ARHGEF9: variants seen among roughly 807,000 people sequenced by gnomAD.
ARHGEF9 encodes the protein rho guanine nucleotide exchange factor 9.
In ARHGEF9, 2 loss-of-function variants were observed where a neutral mutation model predicts 41.3. That is an observed-to-expected ratio of 0.05 (90% confidence interval 0.02 to 0.15). The LOEUF (loss-of-function observed/expected upper bound fraction) is 0.15, where lower values mean the gene tolerates loss of function less well. Ranked by LOEUF, ARHGEF9 falls within the 10% of genes least tolerant of loss-of-function variation. ARHGEF9 has a pLI of 1.00. For missense variants in ARHGEF9, 225 were observed against 424.7 expected (o/e 0.53, Z 4.13); for synonymous variants, 160 against 154.4 (o/e 1.04, Z -0.27).
chrX:63,766,895 C>A, intron 1 of ARHGEF9: 1 of 387,036 alleles, frequency 2.6e-6, no homozygotes, highest in Admixed American at 3.4e-5. Flanking sequence ...CAATCATGGG[C>A]CAGGAAAACC....
chrX:63,688,223 A>G (rs1406649938), intron 4 of ARHGEF9, among the ~76,000 whole-genome samples: 2 of 110,843 alleles, frequency 1.8e-5, no homozygotes, highest in Non-Finnish European at 3.8e-5. Context: ...CAAAGTACTG[A>G]ATGAAAAAAA....
intron 2 of ARHGEF9, among the ~76,000 whole-genome samples, chrX:63,718,091 T>C (rs1175598946): frequency 9.0e-6 from 1 of 111,377 alleles, no homozygotes; most frequent in African/African-American, 3.3e-5. Flanking sequence ...CTTCTGAGTA[T>C]TGTTTCTCTA....
chrX:63,669,053 T>G (rs1384285931), intron 6 of ARHGEF9, among the ~76,000 whole-genome samples: 2 of 112,533 alleles, frequency 1.8e-5, no homozygotes, highest in African/African-American at 6.5e-5. Flanking sequence ...ACTCTCGCCA[T>G]CTGTTTCCTC....
intron 1 of ARHGEF9, among the ~76,000 whole-genome samples, chrX:63,742,186 T>G (rs1213956892): frequency 2.2e-4 from 25 of 111,762 alleles, no homozygotes; most frequent in African/African-American, 7.8e-4. Flanking sequence ...AAATGTAAGG[T>G]AAATTAGCCA....
chrX:63,781,279 C>G, intron 1 of ARHGEF9, among the ~76,000 whole-genome samples: 1 of 111,731 alleles, frequency 9.0e-6, no homozygotes, highest in East Asian at 2.8e-4. Flanking sequence ...ATGATCCATT[C>G]TAGATATTAC....
intron 2 of ARHGEF9, among the ~76,000 whole-genome samples, chrX:63,718,752 G>A (rs1396896377): frequency 8.9e-6 from 1 of 112,256 alleles, no homozygotes; most frequent in Non-Finnish European, 1.9e-5. Context: ...AAATAACAGA[G>A]TAGTTCAAGC....
chrX:63,647,679 G>C (rs1390197641), intron 8 of ARHGEF9, among the ~76,000 whole-genome samples: 1 of 111,280 alleles, frequency 9.0e-6, no homozygotes, highest in Admixed American at 9.6e-5. Context: ...CAGGGATATT[G>C]GTCTAAAATT....
At chrX:63,642,150 C>A (rs1195126284) in intron 9 of ARHGEF9, 1 of 111,337 alleles carries the variant, frequency 9.0e-6, no homozygotes, top group Non-Finnish European at 1.9e-5. Flanking sequence ...CTGAAGAATA[C>A]AGTGGGGGAA....
At chrX:63,755,337 CGA>C (rs1556446066) in intron 1 of ARHGEF9, 2 of 659,223 alleles carry the variant, frequency 3.0e-6, no homozygotes, top group African/African-American at 2.3e-5. Flanking sequence ...CCCAGACCGG[CGA>C]GAGTCACCAG....
intron 4 of ARHGEF9, among the ~76,000 whole-genome samples, chrX:63,693,834 A>G (rs2051545146): frequency 9.1e-6 from 1 of 110,154 alleles, no homozygotes; most frequent in South Asian, 3.9e-4. Context: ...TTAAAATTAC[A>G]ATGAGATACC....
chrX:63,703,923 C>A (rs532541721), intron 3 of ARHGEF9, among the ~76,000 whole-genome samples: 14 of 110,484 alleles, frequency 1.3e-4, no homozygotes, highest in Middle Eastern at 4.6e-3. Context: ...AAAACCAGTG[C>A]AAAGGCTCTA....
intron 8 of ARHGEF9, among the ~76,000 whole-genome samples, chrX:63,648,547 G>A (rs782366230): frequency 9.0e-6 from 1 of 111,286 alleles, no homozygotes; most frequent in South Asian, 3.8e-4. Flanking sequence ...ATCAACTAAC[G>A]AGCAAAATAA....
intron 2 of ARHGEF9, among the ~76,000 whole-genome samples, chrX:63,711,089 A>T (rs782276104): frequency 1.8e-5 from 2 of 112,140 alleles, no homozygotes; most frequent in African/African-American, 3.2e-5. Flanking sequence ...AAGAATACAT[A>T]GGAATAAATT....
chrX:63,738,796 G>A (rs781993735), intron 1 of ARHGEF9, among the ~76,000 whole-genome samples: 5 of 111,425 alleles, frequency 4.5e-5, no homozygotes, highest in Non-Finnish European at 9.4e-5. Flanking sequence ...TGCCCCTCAA[G>A]GCCTGAGCTC....
At chrX:63,652,564 G>A (rs782702079) in intron 8 of ARHGEF9, among the ~76,000 whole-genome samples, 4 of 111,094 alleles carry the variant, frequency 3.6e-5, no homozygotes, top group South Asian at 3.8e-4. Flanking sequence ...CCAATATCCC[G>A]TGCATACCAA....
intron 7 of ARHGEF9, 149 bp downstream of exon 7, chrX:63,665,736 GT>G: frequency 1.3e-6 from 1 of 742,021 alleles, no homozygotes; most frequent in Non-Finnish European, 2.0e-6. Context: ...CCACATTAGT[GT>G]TCCTGATACA....
chrX:63,759,788 T>C (rs1425492331), intron 1 of ARHGEF9, among the ~76,000 whole-genome samples: 1 of 112,220 alleles, frequency 8.9e-6, no homozygotes, highest in Non-Finnish European at 1.9e-5. Flanking sequence ...GTAGGTACTA[T>C]TATTGTCCTT....
chrX:63,759,867 GAT>G (rs1294484091), intron 1 of ARHGEF9, among the ~76,000 whole-genome samples: 3 of 111,978 alleles, frequency 2.7e-5, no homozygotes, highest in Non-Finnish European at 5.6e-5. Context: ...TGGCTAGTAA[GAT>G]ATGGAGCGCA....
At chrX:63,758,917 T>G (rs1362681798) in intron 1 of ARHGEF9, among the ~76,000 whole-genome samples, 1 of 111,944 alleles carries the variant, frequency 8.9e-6, no homozygotes, top group Non-Finnish European at 1.9e-5. Flanking sequence ...CCCAGCGCAG[T>G]GTCTGACACT....
Sources: gnomAD v4.1 joint callset for allele counts (sites outside exome capture counted in the v4.1 genomes callset) on GRCh38, gnomAD v4.1.1 for gene constraint, MANE v1.5 for transcripts, NCBI Gene and HGNC (gene_info 2026-07-23, HGNC 2026-07-21) for gene names.